Variants in RP1L1 observed in about 807,000 individuals in gnomAD.
RP1L1 encodes RP1 like 1.
In RP1L1, 27 loss-of-function variants were observed where a neutral mutation model predicts 15.7. The ratio of observed to expected loss-of-function variants is 1.72; its 90% confidence interval spans 1.27 to 2.38. The LOEUF is 2.38. Among genes scored for constraint, RP1L1 ranks in the 30% most tolerant of loss-of-function variants. The pLI is 0.00. For missense variants in RP1L1, 4,798 were observed against 3,075.9 expected (o/e 1.56, Z -13.24); for synonymous variants, 1,813 against 1,276.7 (o/e 1.42, Z -8.96).
At chr8:10,649,227 CCTT>C (rs1357831235) in intron 1 of RP1L1, among the ~76,000 whole-genome samples, 2 of 152,340 alleles carry the variant, frequency 1.3e-5, no homozygotes, top group South Asian at 2.1e-4. Flanking sequence ...ACTCTCAAGT[CCTT>C]CTTCATTCTC....
intron 2 of RP1L1, chr8:10,621,546 G>C (rs766902773): frequency 8.4e-6 from 3 of 355,122 alleles, no homozygotes; most frequent in Non-Finnish European, 1.7e-5. Context: ...GGCTGATCTC[G>C]AACTCCTGAC....
intron 1 of RP1L1, among the ~76,000 whole-genome samples, chr8:10,633,073 T>C (rs375871999): frequency 1.3e-5 from 2 of 152,306 alleles, no homozygotes; most frequent in African/African-American, 4.8e-5. Context: ...TCCAATTCTC[T>C]GCATCCAACA....
chr8:10,624,633 T>G (rs1440575884), intron 1 of RP1L1, among the ~76,000 whole-genome samples: 5 of 151,060 alleles, frequency 3.3e-5, no homozygotes, highest in Admixed American at 3.3e-4. Context: ...GGTTGGAGGC[T>G]TTTTGCAAGC....
At chr8:10,641,963 T>C (rs1798413576) in intron 1 of RP1L1, among the ~76,000 whole-genome samples, 1 of 152,060 alleles carries the variant, frequency 6.6e-6, no homozygotes, top group African/African-American at 2.4e-5. Context: ...TGGATGTGGC[T>C]ATAAGAGGCA....
At chr8:10,629,941 C>A (rs1485926354) in intron 1 of RP1L1, among the ~76,000 whole-genome samples, 1 of 152,178 alleles carries the variant, frequency 6.6e-6, no homozygotes, top group African/African-American at 2.4e-5. Flanking sequence ...CCTGTCCACA[C>A]CACGTAGGCA....
At position 10,607,695 on chromosome 8, in the gene RP1L1, G is replaced by T; in HGVS notation, c.6403C>A (p.Pro2135Thr). ...GGCTGGGCCTCCCCTTCAGCCTCTG[G>T]GGCCTCTATACCTTCTGACTCTGGC... ...AQPESEGIEAPEAEGEAQPES... is the reference protein window; with the variant it reads ...AQPESEGIEATEAEGEAQPES... The change falls in exon 4 of 4, where the codon CCA becomes ACA. Residue 2135 changes from proline (P) to threonine (T), a missense_variant. By Grantham distance (38) the Pro-to-Thr change is conservative. Coordinates refer to ENST00000382483, the MANE Select transcript of RP1L1 (RefSeq NM_178857.6). 6.2e-7 allele frequency: 1 copy of T among 1,605,194 alleles called. No individual in the cohort carries two copies. The highest frequency in any genetic ancestry group is 8.5e-7 in the Non-Finnish European group (1 of 1,176,950).
chr8:10,618,851 C>T (rs532201417), intron 2 of RP1L1, among the ~76,000 whole-genome samples: 21 of 151,942 alleles, frequency 1.4e-4, no homozygotes, highest in East Asian at 3.9e-4. Flanking sequence ...TTTTGGTTTT[C>T]GTGTTTTTTT....
chr8:10,645,806 C>G (rs998544419), intron 1 of RP1L1, among the ~76,000 whole-genome samples: 1 of 152,202 alleles, frequency 6.6e-6, no homozygotes, highest in African/African-American at 2.4e-5. Flanking sequence ...CAGAAGGACA[C>G]GCTCACCTAT....
At position 10,612,607 on chromosome 8, in the gene RP1L1, C is replaced by G. The variant is rs572812408; in HGVS notation, c.1491G>C (p.Gly497=). 141 of 1,602,762 alleles carry G rather than the reference C, an allele frequency of 8.8e-5. 1 individual carries two copies. In the East Asian group the frequency reaches 2.9e-3, roughly 33 times the overall value. The change falls in exon 4 of 4, where the codon GGG becomes GGC. Residue 497 remains glycine, a synonymous_variant. Transcript: ENST00000382483. ...ATAGGCCGGGGTCCTCACCCAGGCT[C>G]CCTCCAGCTTTCCGCTCAGCCCCTA... The part of the protein sequence containing the change: ...AQIGAERKAG[G]SLGEDPGLCI...
At chr8:10,631,295 A>ACGC (rs1798240308) in intron 1 of RP1L1, among the ~76,000 whole-genome samples, 1 of 146,416 alleles carries the variant, frequency 6.8e-6, no homozygotes, top group African/African-American at 2.6e-5. Context: ...ACACGCACAC[A>ACGC]AACACGCATG....
intron 2 of RP1L1, among the ~76,000 whole-genome samples, chr8:10,622,239 G>C (rs113764043): frequency 0.032 from 4,839 of 150,432 alleles, 264 homozygotes; most frequent in African/African-American, 0.11. Context: ...AGAATCATTG[G>C]AACCCAGAAG....
chr8:10,647,421 A>G (rs1200065260), intron 1 of RP1L1, among the ~76,000 whole-genome samples: 2 of 152,086 alleles, frequency 1.3e-5, no homozygotes, highest in African/African-American at 2.4e-5. Flanking sequence ...TTATGCAACC[A>G]TCACCCCCAT....
At chr8:10,625,033 T>C (rs999238278) in intron 1 of RP1L1, among the ~76,000 whole-genome samples, 3 of 152,170 alleles carry the variant, frequency 2.0e-5, no homozygotes, top group African/African-American at 7.2e-5. Flanking sequence ...CAGGGGACAA[T>C]CACTGCATTC....
rs187691271 is a variant in RP1L1, at chr8:10,614,619, T to A, written c.752-1273A>T. 1.2e-4 allele frequency among the ~76,000 whole-genome samples: 15 copies of A among 129,276 alleles called. No individual in the cohort carries two copies. In the East Asian group the frequency reaches 3.6e-3, roughly 31 times the overall value. The allele number at this position is 129,276 out of a possible 152,430, so 84.8% of individuals were successfully genotyped here. ...GAGGTTGCAGTGAGCCTAGATCGCATCACTGCACTCCAGCCTGGGTGACAG... is the reference window on the plus strand; with the variant it reads ...GAGGTTGCAGTGAGCCTAGATCGCAACACTGCACTCCAGCCTGGGTGACAG... On this transcript the variant is annotated intron_variant, in intron 3 of 3. Coordinates refer to ENST00000382483, the MANE Select transcript of RP1L1 (RefSeq NM_178857.6).
chr8:10,645,353 A>T (rs1798461550), intron 1 of RP1L1, among the ~76,000 whole-genome samples: 1 of 152,136 alleles, frequency 6.6e-6, no homozygotes, highest in African/African-American at 2.4e-5. Flanking sequence ...ACAAACAAAA[A>T]TATCTATAAT....
chr8:10,642,988 A>G (rs1563139948), intron 1 of RP1L1, among the ~76,000 whole-genome samples: 3 of 152,182 alleles, frequency 2.0e-5, no homozygotes, highest in Non-Finnish European at 2.9e-5. Context: ...ATGTTTTCCT[A>G]TGGAATTATC....
At chr8:10,644,442 A>C (rs1798447906) in intron 1 of RP1L1, among the ~76,000 whole-genome samples, 1 of 152,280 alleles carries the variant, frequency 6.6e-6, no homozygotes, top group East Asian at 1.9e-4. Flanking sequence ...CTGACTGTTG[A>C]AGGGTCACAC....
Position 10,623,135 on chromosome 8 carries a change from G to A in RP1L1, c.67C>T (p.Arg23Cys), listed in dbSNP as rs188979626. The A allele has an allele frequency of 3.0e-4, 475 of 1,608,404 alleles. 1 individual carries two copies. Among genetic ancestry groups the A allele is most frequent in the Middle Eastern group, 1.0e-3 (6 of 6,024 alleles). Residue 23 changes from arginine to cysteine, a missense_variant, in exon 2 of 4, where the codon CGC (arginine) becomes TGC (cysteine). Coordinates refer to ENST00000382483, the MANE Select transcript of RP1L1 (RefSeq NM_178857.6). ...HRECFLPSVA[R>C]TPSVTKVTPA... Reference sequence around the variant, plus strand: ...GTGACCTTGGTGACCGAGGGGGTGCGAGCCACAGAGGGCAGGAAGCACTCA... The same window carrying A: ...GTGACCTTGGTGACCGAGGGGGTGCAAGCCACAGAGGGCAGGAAGCACTCA...
chr8:10,611,774 G>T lies in RP1L1; in HGVS notation c.2324C>A (p.Pro775His). ...DAGSRTCSPA[P>H]IPPHTSDSCS... Reference sequence around the variant, plus strand: ...GGAGTCGGATGTGTGGGGAGGTATGGGGGCCGGCGAGCATGTCCTGGACCC... The same window carrying T: ...GGAGTCGGATGTGTGGGGAGGTATGTGGGCCGGCGAGCATGTCCTGGACCC... Residue 775 changes from proline (P) to histidine (H), a missense_variant, in exon 4 of 4, where the codon CCC becomes CAC. Pro to His is a moderately conservative substitution (Grantham distance 77, BLOSUM62 -2). Transcript: ENST00000382483. 1.2e-6 allele frequency: 2 copies of T among 1,613,694 alleles called. No individual in the cohort carries two copies. Among genetic ancestry groups the T allele is most frequent in the South Asian group, 2.2e-5 (2 of 91,082 alleles).
Sources: gnomAD v4.1 joint callset for allele counts (sites outside exome capture counted in the v4.1 genomes callset) on GRCh38, gnomAD v4.1.1 for gene constraint, MANE v1.5 for transcripts, NCBI Gene and HGNC (gene_info 2026-07-23, HGNC 2026-07-21) for gene names.